RBFOX1: variants seen among roughly 807,000 people sequenced by gnomAD.
RBFOX1 encodes the protein RNA binding protein fox-1 homolog 1.
Under a neutral mutation model 57.7 loss-of-function variants are expected in RBFOX1, and 8 were observed. The observed-to-expected ratio is 0.14, with a 90% confidence interval of 0.08 to 0.25. The LOEUF (loss-of-function observed/expected upper bound fraction) is 0.25, where lower values mean the gene tolerates loss of function less well. Among genes scored for constraint, RBFOX1 ranks in the 10% least tolerant of loss-of-function variants. RBFOX1 has a pLI of 1.00. For missense variants in RBFOX1, 611 were observed against 548.5 expected, an observed-to-expected ratio of 1.11 and a Z score of -1.14; for synonymous variants, 326 against 222.4, an observed-to-expected ratio of 1.47 and a Z score of -4.15.
intron 10 of RBFOX1, among the ~76,000 whole-genome samples, chr16:7,613,288 G>T (rs7195278): frequency 0.49 from 74,942 of 151,990 alleles, 19,683 homozygotes; most frequent in Non-Finnish European, 0.58. Flanking sequence ...CTAAAAATGC[G>T]CCATGCCTGA....
chr16:6,484,988 A>G (rs2095443949), intron 2 of RBFOX1, among the ~76,000 whole-genome samples: 1 of 152,176 alleles, frequency 6.6e-6, no homozygotes, highest in African/African-American at 2.4e-5. Context: ...ATCTTTCTCC[A>G]CTGTGTTCCC....
At chr16:7,221,359 ATTTATTTT>A (rs1373281165) in intron 4 of RBFOX1, among the ~76,000 whole-genome samples, 4 of 150,084 alleles carry the variant, frequency 2.7e-5, no homozygotes, top group African/African-American at 7.4e-5. Flanking sequence ...TTATTTATTT[ATTTATTTT>A]TTTATTTATT....
Position 7,189,425 on chromosome 16 carries a change from C to CAAAA in RBFOX1, c.27+137347_27+137350dup, listed in dbSNP as rs1159617665. 9.5e-4 allele frequency among the ~76,000 whole-genome samples: 64 copies of CAAAA among 67,606 alleles called. 2 individuals are homozygous for CAAAA. Among genetic ancestry groups the CAAAA allele is most frequent in the East Asian group, 6.0e-3 (8 of 1,342 alleles). 44.4% of individuals were successfully genotyped at this position (67,606 alleles called of 152,430 possible). A position where few individuals can be genotyped will look rare whatever the true frequency, so the allele number is the denominator to read the frequency against. On this transcript the variant is annotated intron_variant, in intron 4 of 15. Transcript: ENST00000550418. ...TGGGCGACAGAGCGAGACTCCCTCT[C>CAAAA]AAAAAAAAAAAAAAAAAAAAAAAGG...
At chr16:7,140,825 C>T (rs910098266) in intron 4 of RBFOX1, among the ~76,000 whole-genome samples, 3 of 152,138 alleles carry the variant, frequency 2.0e-5, no homozygotes, top group Non-Finnish European at 4.4e-5. Flanking sequence ...TTTCAAAGAT[C>T]CACACCTCTT....
At chr16:7,105,827 C>T (rs1383655401) in intron 4 of RBFOX1, among the ~76,000 whole-genome samples, 1 of 152,046 alleles carries the variant, frequency 6.6e-6, no homozygotes, top group Admixed American at 6.6e-5. Context: ...TTTATCCACT[C>T]ATTTGATTGA....
At chr16:5,532,716 C>G (rs770822436) in intron 2 of RBFOX1, among the ~76,000 whole-genome samples, 7 of 152,178 alleles carry the variant, frequency 4.6e-5, no homozygotes, top group Non-Finnish European at 1.0e-4. Context: ...GGCCTGAGAT[C>G]AGTGCTTTAT....
intron 1 of RBFOX1, among the ~76,000 whole-genome samples, chr16:6,154,111 G>C (rs868273321): frequency 6.6e-6 from 1 of 152,192 alleles, no homozygotes; most frequent in African/African-American, 2.4e-5. Flanking sequence ...GAAATCAGAT[G>C]TTCCTGCGTC....
intron 3 of RBFOX1, among the ~76,000 whole-genome samples, chr16:5,621,466 T>A (rs545358668): frequency 2.0e-5 from 3 of 152,296 alleles, no homozygotes; most frequent in African/African-American, 7.2e-5. Context: ...GTGAAGTAGA[T>A]ACCGCTGTCA....
intron 2 of RBFOX1, among the ~76,000 whole-genome samples, chr16:5,468,870 A>G (rs542058936): frequency 6.6e-6 from 1 of 152,366 alleles, no homozygotes; most frequent in South Asian, 2.1e-4. Context: ...GATCCATCTC[A>G]GGACAGAGGT....
chr16:6,881,389 C>G (rs923530522), intron 3 of RBFOX1, among the ~76,000 whole-genome samples: 3 of 152,142 alleles, frequency 2.0e-5, no homozygotes, highest in East Asian at 3.9e-4. Context: ...GTTCTGCAGA[C>G]TAGAAGTCCA....
chr16:6,457,109 G>A (rs2094792742), intron 2 of RBFOX1, among the ~76,000 whole-genome samples: 1 of 152,052 alleles, frequency 6.6e-6, no homozygotes, highest in African/African-American at 2.4e-5. Context: ...TCTAGGTAGA[G>A]TTTAAAGAAT....
intron 3 of RBFOX1, among the ~76,000 whole-genome samples, chr16:5,750,218 C>G (rs1322133815): frequency 2.6e-5 from 4 of 152,280 alleles, no homozygotes; most frequent in Admixed American, 1.3e-4. Context: ...CCCGATCATT[C>G]CTTTGGAAGC....
intron 4 of RBFOX1, among the ~76,000 whole-genome samples, chr16:7,326,321 C>G (rs901531685): frequency 2.0e-5 from 3 of 152,062 alleles, no homozygotes; most frequent in Non-Finnish European, 1.5e-5. Context: ...ATCACGAGTG[C>G]TGGGATTGGA....
At chr16:6,785,682 A>G (rs1178608013) in intron 3 of RBFOX1, among the ~76,000 whole-genome samples, 1 of 152,200 alleles carries the variant, frequency 6.6e-6, no homozygotes, top group Non-Finnish European at 1.5e-5. Flanking sequence ...ACCATGTTCC[A>G]TGTGAGCATG....
At chr16:6,650,462 G>A (rs1314710604) in intron 2 of RBFOX1, among the ~76,000 whole-genome samples, 1 of 152,130 alleles carries the variant, frequency 6.6e-6, no homozygotes, top group Non-Finnish European at 1.5e-5. Flanking sequence ...CTCCCTCATT[G>A]TGTGATTCAG....
chr16:7,508,297 G>T lies in RBFOX1; in HGVS notation c.28-9850G>T, dbSNP rs1005142118. 1.1e-4 allele frequency among the ~76,000 whole-genome samples: 17 copies of T among 152,136 alleles called. No individual in the cohort carries two copies. The East Asian group carries it at 2.1e-3, about 19-fold the overall frequency. The stretch of plus-strand genomic sequence containing the variant: ...CCGGCCAGTTGTTTTGTTGTTGTTT[G>T]TTTTTGAGTATTTTCTGCGTTATTC... On this transcript the variant is annotated intron_variant, in intron 4 of 15. Transcript: ENST00000550418.
At chr16:7,265,223 C>T (rs1014170011) in intron 4 of RBFOX1, among the ~76,000 whole-genome samples, 4 of 151,804 alleles carry the variant, frequency 2.6e-5, no homozygotes, top group South Asian at 2.1e-4. Flanking sequence ...GAAATCTTTT[C>T]TCTTGCAGAT....
At chr16:5,814,346 T>G (rs1348948256) in intron 3 of RBFOX1, among the ~76,000 whole-genome samples, 1 of 152,246 alleles carries the variant, frequency 6.6e-6, no homozygotes, top group African/African-American at 2.4e-5. Flanking sequence ...CTAATTTATA[T>G]GAAGATCTCT....
At chr16:5,723,807 A>T (rs1456920004) in intron 3 of RBFOX1, among the ~76,000 whole-genome samples, 2 of 152,236 alleles carry the variant, frequency 1.3e-5, no homozygotes, top group African/African-American at 4.8e-5. Flanking sequence ...TGGAGGTCTC[A>T]TGGACTGCCC....
Sources: gnomAD v4.1 joint callset for allele counts (sites outside exome capture counted in the v4.1 genomes callset) on GRCh38, gnomAD v4.1.1 for gene constraint, MANE v1.5 for transcripts, NCBI Gene and HGNC (gene_info 2026-07-23, HGNC 2026-07-21) for gene names.